The following MARCHF11 variants were observed in gnomAD, a reference collection of about 807,000 sequenced individuals.
MARCHF11 encodes the protein membrane associated ring-CH-type finger 11.
Under a neutral mutation model 37.3 loss-of-function variants are expected in MARCHF11, and 29 were observed. The observed-to-expected ratio is 0.78, with a 90% CI of 0.58 to 1.06. The LOEUF (loss-of-function observed/expected upper bound fraction) is 1.06. Ranked by LOEUF, MARCHF11 falls within the 50% of genes least tolerant of loss-of-function variation. The pLI is 0.00. For missense variants in MARCHF11, 482 were observed against 533.4 expected (o/e 0.90, Z 0.95); for synonymous variants, 233 against 228.0 (o/e 1.02, Z -0.20).
chr5:16,138,208 G>A lies in MARCHF11; in HGVS notation c.693+39518C>T, dbSNP rs114173448. The stretch of plus-strand genomic sequence containing the variant: ...GCCAGGAGGCCTAGGATGGAAAAAT[G>A]GTTACATCAGCGGAGCTCAGGGCCC... On this transcript the variant is annotated intron_variant, in intron 2 of 3. Transcript: ENST00000332432. Among the ~76,000 whole-genome samples the A allele has an allele frequency of 4.6e-3, 704 of 152,282 alleles. 6 individuals carry two copies. The highest frequency in any genetic ancestry group is 0.016 in the African/African-American group (660 of 41,562).
chr5:16,176,410 CTATGATGGATTCATAAATTGA>C (rs1738364229), intron 2 of MARCHF11, among the ~76,000 whole-genome samples: 1 of 152,104 alleles, frequency 6.6e-6, no homozygotes, highest in Non-Finnish European at 1.5e-5. Context: ...TTCAAGACAA[CTATGATGGATTCATAAATTGA>C]TACCCAAGTA....
At position 16,067,690 on chromosome 5, in the gene MARCHF11, G is replaced by T. The variant is rs370646944; in HGVS notation, c.990C>A (p.Ile330=). The T allele has an allele frequency of 1.9e-6, 3 of 1,613,900 alleles. No individual in the cohort carries two copies. The highest frequency in any genetic ancestry group is 2.7e-5 in the African/African-American group (2 of 75,012). Residue 330 remains isoleucine, a synonymous_variant, in exon 4 of 4, where the codon ATC becomes ATA. Coordinates refer to ENST00000332432, the MANE Select transcript of MARCHF11 (RefSeq NM_001102562.3). ...AAGACTCTCCCCGGCTGCTTTCTTC[G>T]ATGTCTGTGGCTTTGTCATAATTTA... ...DVLNYDKATD[I]EESSRGESST...
At chr5:16,140,487 T>G (rs1313596930) in intron 2 of MARCHF11, among the ~76,000 whole-genome samples, 1 of 152,126 alleles carries the variant, frequency 6.6e-6, no homozygotes, top group African/African-American at 2.4e-5. Flanking sequence ...CCTCCCGAAA[T>G]GCACCAGACA....
chr5:16,128,289 C>A (rs1737451111), intron 2 of MARCHF11, among the ~76,000 whole-genome samples: 2 of 152,142 alleles, frequency 1.3e-5, no homozygotes, highest in African/African-American at 4.8e-5. Context: ...TGAAGGCTCC[C>A]AGACACACAC....
intron 2 of MARCHF11, among the ~76,000 whole-genome samples, chr5:16,107,534 C>T (rs538478827): frequency 6.6e-6 from 1 of 152,098 alleles, no homozygotes; most frequent in East Asian, 1.9e-4. Context: ...AGAGCTACAA[C>T]AATATTAAAT....
At chr5:16,172,761 C>T (rs1427913796) in intron 2 of MARCHF11, among the ~76,000 whole-genome samples, 1 of 152,100 alleles carries the variant, frequency 6.6e-6, no homozygotes, top group African/African-American at 2.4e-5. Flanking sequence ...CATGATGGAG[C>T]CCCATTTAGA....
chr5:16,158,156 T>C (rs180845019), intron 2 of MARCHF11, among the ~76,000 whole-genome samples: 225 of 152,004 alleles, frequency 1.5e-3, no homozygotes, highest in African/African-American at 5.0e-3. Context: ...GAATGGCTAT[T>C]GTCAAAGAGA....
At chr5:16,161,632 T>G (rs1326509520) in intron 2 of MARCHF11, among the ~76,000 whole-genome samples, 1 of 151,966 alleles carries the variant, frequency 6.6e-6, no homozygotes, top group African/African-American at 2.4e-5. Context: ...AATACTGGCT[T>G]CCCAGCATCT....
intron 2 of MARCHF11, among the ~76,000 whole-genome samples, chr5:16,118,607 G>A (rs1318193113): frequency 6.6e-6 from 1 of 152,170 alleles, no homozygotes; most frequent in Non-Finnish European, 1.5e-5. Context: ...TCATGAGCAT[G>A]AAATAATTGC....
intron 3 of MARCHF11, among the ~76,000 whole-genome samples, chr5:16,082,817 G>C (rs1736634438): frequency 6.6e-6 from 1 of 152,092 alleles, no homozygotes; most frequent in African/African-American, 2.4e-5. Flanking sequence ...ACACATCCAC[G>C]TTAATACTTC....
chr5:16,090,836 C>A (rs998578629), intron 3 of MARCHF11, 53 bp downstream of exon 3: 2 of 1,341,366 alleles, frequency 1.5e-6, no homozygotes, highest in Admixed American at 2.5e-5. Context: ...AACGTAATCG[C>A]TGAAAGAAAT....
intron 2 of MARCHF11, among the ~76,000 whole-genome samples, chr5:16,110,869 T>C (rs903043608): frequency 2.6e-5 from 4 of 152,104 alleles, no homozygotes; most frequent in Admixed American, 6.5e-5. Context: ...ATAATCCCCA[T>C]GTGTTGTGGG....
chr5:16,067,227 A>G lies in MARCHF11; in HGVS notation c.*244T>C. 1 of 397,674 alleles carries G rather than the reference A, an allele frequency of 2.5e-6. No individual in the cohort carries two copies. The allele number at this position is 397,674 out of a possible 1,614,324, so 24.6% of individuals were successfully genotyped here. A position where few individuals can be genotyped will look rare whatever the true frequency, so the allele number is the denominator to read the frequency against. ...TTTCATTATTCTTTTAACCAAGTAT[A>G]GTTAAATTATATGTATAATGATTTC... is the stretch of plus-strand genomic sequence containing the variant. On this transcript the variant is annotated 3_prime_UTR_variant, in exon 4 of 4. Transcript: ENST00000332432.
chr5:16,138,482 T>G (rs1045570892), intron 2 of MARCHF11, among the ~76,000 whole-genome samples: 7 of 152,112 alleles, frequency 4.6e-5, no homozygotes, highest in African/African-American at 1.7e-4. Flanking sequence ...GGAGCCCTCA[T>G]GGAGAACCTC....
At chr5:16,161,238 C>T (rs1044871845) in intron 2 of MARCHF11, among the ~76,000 whole-genome samples, 1 of 134,548 alleles carries the variant, frequency 7.4e-6, no homozygotes, top group Non-Finnish European at 1.5e-5. Flanking sequence ...TAAATTAGTC[C>T]ACTATGAAAG....
At chr5:16,118,563 T>C (rs949723317) in intron 2 of MARCHF11, among the ~76,000 whole-genome samples, 1 of 152,272 alleles carries the variant, frequency 6.6e-6, no homozygotes, top group South Asian at 2.1e-4. Flanking sequence ...TCTCATTAAA[T>C]AAGCAAGAGA....
chr5:16,083,294 T>C (rs1170454126), intron 3 of MARCHF11, among the ~76,000 whole-genome samples: 1 of 152,168 alleles, frequency 6.6e-6, no homozygotes, highest in Non-Finnish European at 1.5e-5. Flanking sequence ...GGAAAGAGCT[T>C]AGTCTACTCA....
chr5:16,113,955 T>C (rs897216637), intron 2 of MARCHF11, among the ~76,000 whole-genome samples: 1 of 152,186 alleles, frequency 6.6e-6, no homozygotes, highest in South Asian at 2.1e-4. Flanking sequence ...CCTCCCCACC[T>C]TTCTAAGCGT....
At position 16,143,960 on chromosome 5, in the gene MARCHF11, G is replaced by A. The variant is rs567857365; in HGVS notation, c.693+33766C>T. On this transcript the variant is annotated intron_variant, in intron 2 of 3. Coordinates refer to ENST00000332432, the MANE Select transcript of MARCHF11 (RefSeq NM_001102562.3). Reference sequence around the variant, plus strand: ...CCCACAGGTCCAGCAGTCCCTAGCCGTGATGATGCTCACTCCATCTGTATT... The same window carrying A: ...CCCACAGGTCCAGCAGTCCCTAGCCATGATGATGCTCACTCCATCTGTATT... 3.3e-5 allele frequency among the ~76,000 whole-genome samples: 5 copies of A among 152,300 alleles called. No individual in the cohort carries two copies. The South Asian group carries it at 6.2e-4, about 19-fold the overall frequency.
Sources: gnomAD v4.1 joint callset for allele counts (sites outside exome capture counted in the v4.1 genomes callset) on GRCh38, gnomAD v4.1.1 for gene constraint, MANE v1.5 for transcripts, NCBI Gene and HGNC (gene_info 2026-07-23, HGNC 2026-07-21) for gene names.